Variants in TBC1D5 observed in about 807,000 individuals in gnomAD.
TBC1D5 encodes TBC1 domain family, member 5.
TBC1D5 carries 75 observed loss-of-function variants against 100.3 expected under a neutral mutation model. The ratio of observed to expected loss-of-function variants is 0.75; its 90% CI spans 0.62 to 0.91. TBC1D5 has a LOEUF of 0.91. Ranked by LOEUF, TBC1D5 falls within the 40% of genes least tolerant of loss-of-function variation. TBC1D5 has a pLI of 0.00. For synonymous variants in TBC1D5, 323 were observed against 325.6 expected (o/e 0.99, Z 0.09); for missense variants, 910 against 942.4 (o/e 0.97, Z 0.45).
chr3:17,394,357 G>C (rs774083068), intron 8 of TBC1D5, among the ~76,000 whole-genome samples: 5 of 152,058 alleles, frequency 3.3e-5, no homozygotes, highest in Non-Finnish European at 7.4e-5. Flanking sequence ...ATAAATTATA[G>C]AGTAATGGAA....
intron 2 of TBC1D5, among the ~76,000 whole-genome samples, chr3:17,620,695 A>G (rs568326078): frequency 6.6e-6 from 1 of 152,316 alleles, no homozygotes; most frequent in South Asian, 2.1e-4. Flanking sequence ...GGGAGGAAGG[A>G]GTGACAATTT....
chr3:17,625,713 C>T (rs1007427248), intron 1 of TBC1D5, among the ~76,000 whole-genome samples: 1 of 151,898 alleles, frequency 6.6e-6, no homozygotes, highest in African/African-American at 2.4e-5. Context: ...ATTACAACCT[C>T]AAAAAATCAT....
At chr3:17,419,466 T>C (rs964721183) in intron 4 of TBC1D5, among the ~76,000 whole-genome samples, 4 of 152,158 alleles carry the variant, frequency 2.6e-5, no homozygotes, top group African/African-American at 9.7e-5. Context: ...TCTCTGTGTT[T>C]TTGACAAACT....
chr3:17,204,162 C>T (rs1428226080), intron 18 of TBC1D5, among the ~76,000 whole-genome samples: 1 of 152,152 alleles, frequency 6.6e-6, no homozygotes, highest in African/African-American at 2.4e-5. Flanking sequence ...GGTTTAAGAG[C>T]AGGGAGACAC....
At chr3:17,606,489 C>T (rs1429650526) in intron 2 of TBC1D5, among the ~76,000 whole-genome samples, 1 of 152,018 alleles carries the variant, frequency 6.6e-6, no homozygotes, top group African/African-American at 2.4e-5. Flanking sequence ...AAACCTTTGG[C>T]TATCTGTAAT....
chr3:17,675,248 A>G (rs1378184696), intron 1 of TBC1D5, among the ~76,000 whole-genome samples: 1 of 152,052 alleles, frequency 6.6e-6, no homozygotes, highest in African/African-American at 2.4e-5. Flanking sequence ...AAAATTCAGA[A>G]CACTGTTAAG....
chr3:17,341,577 G>A (rs2088941886), intron 13 of TBC1D5, among the ~76,000 whole-genome samples: 1 of 152,048 alleles, frequency 6.6e-6, no homozygotes, highest in Non-Finnish European at 1.5e-5. Flanking sequence ...ACTTTTATCA[G>A]GTCACACAGA....
intron 4 of TBC1D5, among the ~76,000 whole-genome samples, chr3:17,420,109 TC>T (rs2094173198): frequency 6.6e-6 from 1 of 152,028 alleles, no homozygotes; most frequent in Admixed American, 6.6e-5. Context: ...TGTGTTTAAC[TC>T]CTCTTTGGGT....
intron 4 of TBC1D5, among the ~76,000 whole-genome samples, chr3:17,408,985 A>G (rs988175207): frequency 1.3e-5 from 2 of 152,152 alleles, no homozygotes; most frequent in African/African-American, 4.8e-5. Context: ...ATATATACTG[A>G]TATCTCATAA....
chr3:17,213,376 G>T (rs1576007641), intron 18 of TBC1D5, among the ~76,000 whole-genome samples: 1 of 152,170 alleles, frequency 6.6e-6, no homozygotes, highest in East Asian at 1.9e-4. Flanking sequence ...ATAAAATGTG[G>T]TTAAACGTGA....
chr3:17,548,316 A>G, intron 2 of TBC1D5, among the ~76,000 whole-genome samples: 1 of 152,094 alleles, frequency 6.6e-6, no homozygotes, highest in East Asian at 1.9e-4. Context: ...TCGGTCTCAA[A>G]AACAAACAAA....
chr3:17,512,799 C>A (rs1019293521), intron 2 of TBC1D5, among the ~76,000 whole-genome samples: 13 of 152,110 alleles, frequency 8.5e-5, no homozygotes, highest in African/African-American at 2.9e-4. Flanking sequence ...ATCCTGGGCA[C>A]AGGAGTTCAC....
intron 1 of TBC1D5, among the ~76,000 whole-genome samples, chr3:17,640,111 T>C (rs1333484271): frequency 6.6e-6 from 1 of 151,508 alleles, no homozygotes; most frequent in Non-Finnish European, 1.5e-5. Context: ...GGATGCAAGG[T>C]GTGGGGGTTG....
At chr3:17,449,363 C>G (rs6782575) in intron 3 of TBC1D5, among the ~76,000 whole-genome samples, 2 of 152,022 alleles carry the variant, frequency 1.3e-5, no homozygotes, top group Admixed American at 1.3e-4. Flanking sequence ...CCTAGTGGCA[C>G]CTGGAATGCC....
intron 15 of TBC1D5, among the ~76,000 whole-genome samples, chr3:17,263,492 G>C (rs552377498): frequency 6.6e-6 from 1 of 152,196 alleles, no homozygotes; most frequent in South Asian, 2.1e-4. Context: ...GGCCAACCAG[G>C]ATGGGCCTGA....
intron 1 of TBC1D5, among the ~76,000 whole-genome samples, chr3:17,629,267 G>T (rs1209018351): frequency 6.6e-6 from 1 of 152,036 alleles, no homozygotes; most frequent in African/African-American, 2.4e-5. Flanking sequence ...TGGTAATTTA[G>T]CCATTAGATA....
intron 3 of TBC1D5, among the ~76,000 whole-genome samples, chr3:17,432,839 T>C (rs1237981809): frequency 6.6e-5 from 10 of 152,194 alleles, no homozygotes; most frequent in Admixed American, 6.5e-4. Flanking sequence ...CAGCATGACA[T>C]CAGCAAGATG....
chr3:17,325,839 G>A (rs57213690), intron 13 of TBC1D5, among the ~76,000 whole-genome samples: 13,655 of 152,166 alleles, frequency 0.09, 1,389 homozygotes, highest in African/African-American at 0.25. Context: ...ACGTACAAAT[G>A]TATGTGTCTG....
intron 3 of TBC1D5, 135 bp downstream of exon 3, chr3:17,508,339 A>G (rs970436172): frequency 3.1e-6 from 2 of 641,948 alleles, no homozygotes; most frequent in Non-Finnish European, 5.6e-6. Context: ...CATATCCAGA[A>G]TAACATACTT....
Sources: allele counts gnomAD v4.1 joint callset (sites outside exome capture counted in the v4.1 genomes callset), GRCh38; gene constraint gnomAD v4.1.1; transcripts MANE v1.5; gene names NCBI Gene and HGNC (gene_info 2026-07-23, HGNC 2026-07-21).